The following UBAP2L variants were observed in gnomAD, a reference collection of about 807,000 sequenced individuals.
UBAP2L encodes ubiquitin-associated protein 2-like.
Under a neutral mutation model 130.6 loss-of-function variants are expected in UBAP2L, and 12 were observed. That is an observed-to-expected ratio of 0.09 (90% CI 0.06 to 0.15). UBAP2L has a LOEUF of 0.15. UBAP2L is among the 10% of genes least tolerant of loss of function. The pLI is 1.00. For missense variants in UBAP2L, 965 were observed against 1,332.5 expected (o/e 0.72, Z 4.29); for synonymous variants, 503 against 524.7 (o/e 0.96, Z 0.57).
rs1276335967 is a variant in UBAP2L at position 154,221,809 on chromosome 1, C to T, written c.-41+834C>T. On this transcript the variant is annotated intron_variant, in intron 1 of 26. Coordinates refer to ENST00000428931, the MANE Select transcript of UBAP2L (RefSeq NM_014847.4). ...TCCTGTTTATACTGTAGTTTGGGTA[C>T]CCCAAACAATTGTGTTATTTGGGAA... Among the ~76,000 whole-genome samples, 3 of 152,160 alleles carry T rather than the reference C, an allele frequency of 2.0e-5. No individual in the cohort carries two copies. In the East Asian group the frequency reaches 5.8e-4, roughly 29 times the overall value.
At chr1:154,255,442 T>A in intron 17 of UBAP2L, 116 bp downstream of exon 17, 1 of 1,368,158 alleles carries the variant, frequency 7.3e-7, no homozygotes, top group Non-Finnish European at 1.0e-6. Context: ...TTGTCGTAAG[T>A]GGGTGACCTA....
At chr1:154,236,762 G>T in intron 7 of UBAP2L, 151 bp downstream of exon 7, 1 of 758,328 alleles carries the variant, frequency 1.3e-6, no homozygotes, top group Non-Finnish European at 2.2e-6. Flanking sequence ...TTACCACCTG[G>T]ATCATTACCT....
In UBAP2L at chr1:154,255,746, C is replaced by T. The variant is rs748686444; in HGVS notation, c.2148C>T (p.Ser716=). The T allele has an allele frequency of 1.9e-6, 3 of 1,614,062 alleles. No homozygotes were observed. The highest frequency in any genetic ancestry group is 1.3e-5 in the African/African-American group (1 of 74,938). ...CATCTTCTGGGCGCACTTCGACATC[C>T]ACTCTTTTGGTAAGTGTGATGCTGA... The part of the protein sequence containing the change: ...SSTSSGRTST[S]TLLHTSVESE... Residue 716 remains serine, a synonymous_variant, in exon 18 of 27, where the codon TCC becomes TCT. Transcript: ENST00000428931.
intron 21 of UBAP2L, chr1:154,259,619 A>T: frequency 2.8e-6 from 1 of 361,406 alleles, no homozygotes; most frequent in East Asian, 6.1e-5. Context: ...ACTTTAAATT[A>T]TCGAATGATC....
At chr1:154,247,590 A>G (rs1338430670) in intron 11 of UBAP2L, among the ~76,000 whole-genome samples, 1 of 152,142 alleles carries the variant, frequency 6.6e-6, no homozygotes, top group Admixed American at 6.5e-5. Context: ...TCAGCTGGGG[A>G]CAGTGACACG....
At chr1:154,256,905 A>G (rs895056528) in intron 18 of UBAP2L, among the ~76,000 whole-genome samples, 158 bp from the exon 19 acceptor site, 1 of 152,126 alleles carries the variant, frequency 6.6e-6, no homozygotes, top group Non-Finnish European at 1.5e-5. Flanking sequence ...ATTTCTAACT[A>G]CTTTAGCAGG....
chr1:154,266,579 G>A lies in UBAP2L; in HGVS notation c.2970+11G>A, dbSNP rs1197703586. ...TACTCCAAAACCCAGGTAGGTGCCT[G>A]GCTCTGGATAAAAGTGGAAAAGAGA... On this transcript the variant is annotated intron_variant, in intron 25 of 26. Transcript: ENST00000428931. 1.2e-6 allele frequency: 2 copies of A among 1,613,824 alleles called. No homozygotes were observed. Among genetic ancestry groups the A allele is most frequent in the South Asian group, 2.2e-5 (2 of 91,078 alleles).
At chr1:154,233,233 T>C (rs919377234) in intron 4 of UBAP2L, among the ~76,000 whole-genome samples, 4 of 152,006 alleles carry the variant, frequency 2.6e-5, no homozygotes, top group African/African-American at 9.7e-5. Context: ...CAGGCTGTTC[T>C]CAAACTCTTG....
chr1:154,269,266 C>T, intron 26 of UBAP2L: 1 of 1,230,118 alleles, frequency 8.1e-7, no homozygotes, highest in Non-Finnish European at 1.1e-6. Flanking sequence ...TCCCAGCCTT[C>T]CCTCTTCCCT....
At chr1:154,228,552 T>TC in intron 3 of UBAP2L, 63 bp from the exon 4 acceptor site, 1 of 1,265,430 alleles carries the variant, frequency 7.9e-7, no homozygotes, top group Non-Finnish European at 1.1e-6. Context: ...TTCACCTAGT[T>TC]TCCTTTCATT....
chr1:154,221,046 G>T, intron 1 of UBAP2L, 71 bp downstream of exon 1: 1 of 197,784 alleles, frequency 5.1e-6, no homozygotes, highest in Non-Finnish European at 1.0e-5. Context: ...GCCGGGTATT[G>T]TCCGCGGCCC....
chr1:154,243,400 CAAT>C (rs1674232214), intron 10 of UBAP2L, 98 bp downstream of exon 10: 4 of 964,078 alleles, frequency 4.1e-6, no homozygotes, highest in Admixed American at 4.7e-5. Flanking sequence ...CCCATGGTGT[CAAT>C]AATAATAACC....
At chr1:154,256,783 T>TG (rs1491481455) in intron 18 of UBAP2L, among the ~76,000 whole-genome samples, 4 of 152,224 alleles carry the variant, frequency 2.6e-5, no homozygotes. Flanking sequence ...TGTTAGTCTC[T>TG]GGGGAATCTG....
At chr1:154,247,729 T>TA (rs769759183) in intron 11 of UBAP2L, among the ~76,000 whole-genome samples, 6 of 148,936 alleles carry the variant, frequency 4.0e-5, no homozygotes, top group Non-Finnish European at 5.9e-5. Context: ...ACCCTTTCTC[T>TA]AAAAAAAAAT....
Position 154,238,590 on chromosome 1 carries a change from T to G in UBAP2L, c.703+1454T>G, listed in dbSNP as rs1672441238. 5.9e-5 allele frequency among the ~76,000 whole-genome samples: 9 copies of G among 152,046 alleles called. No homozygotes were observed. In the South Asian group the frequency reaches 1.9e-3, roughly 32 times the overall value. On this transcript the variant is annotated intron_variant, in intron 8 of 26. Coordinates refer to ENST00000428931, the MANE Select transcript of UBAP2L (RefSeq NM_014847.4). ...AAACAGCGAAAGGTAGTGTGTGTGT[T>G]AATTTCTACTGAGTAGAAAAGGGAG...
intron 24 of UBAP2L, among the ~76,000 whole-genome samples, chr1:154,263,812 G>A (rs1161996127): frequency 1.3e-5 from 2 of 152,156 alleles, no homozygotes; most frequent in Non-Finnish European, 2.9e-5. Context: ...AAAAAAGTTT[G>A]GAGTGTCATG....
intron 24 of UBAP2L, among the ~76,000 whole-genome samples, chr1:154,264,828 C>T (rs1275457379): frequency 6.6e-6 from 1 of 151,876 alleles, no homozygotes; most frequent in African/African-American, 2.4e-5. Context: ...CTACTTATAT[C>T]CTGTTTATTC....
rs1682989982 is a variant in UBAP2L, at chr1:154,265,511, C to T, written c.2903-990C>T. 1.3e-5 allele frequency among the ~76,000 whole-genome samples: 2 copies of T among 152,130 alleles called. 1 individual carries two copies. The highest frequency in any genetic ancestry group is 1.3e-4 in the Admixed American group (2 of 15,270). ...CCTAGTTAAATTACTTACTTTTCTT[C>T]ACATCTTTGTTTCAAAATGGAAAGT... On this transcript the variant is annotated intron_variant, in intron 24 of 26. Transcript: ENST00000428931.
At chr1:154,220,935 G>T (rs1571515678), upstream of UBAP2L, 1 of 178,302 alleles carries the variant, frequency 5.6e-6, no homozygotes, top group Non-Finnish European at 1.2e-5. Flanking sequence ...TCACGTGACA[G>T]GGGCGGCGCG....
Sources: allele counts gnomAD v4.1 joint callset (sites outside exome capture counted in the v4.1 genomes callset), GRCh38; gene constraint gnomAD v4.1.1; transcripts MANE v1.5; gene names NCBI Gene and HGNC (gene_info 2026-07-23, HGNC 2026-07-21).